APOBEC3C: variants seen among roughly 807,000 people sequenced by gnomAD.
The protein encoded by APOBEC3C is DNA dC->dU-editing enzyme APOBEC-3C.
A neutral mutation model predicts 20.6 loss-of-function variants in APOBEC3C; 14 were observed. That is an observed-to-expected ratio of 0.68 (90% CI 0.45 to 1.06). The LOEUF is 1.06. Among genes scored for constraint, APOBEC3C ranks in the 50% least tolerant of loss-of-function variants. The pLI is 0.00. For missense variants in APOBEC3C, 244 were observed against 241.9 expected (o/e 1.01, Z -0.06); for synonymous variants, 98 against 88.8 (o/e 1.10, Z -0.58).
chr22:39,016,274 A>ACTG (rs907675080), intron 2 of APOBEC3C, among the ~76,000 whole-genome samples: 26 of 149,164 alleles, frequency 1.7e-4, no homozygotes, highest in African/African-American at 6.5e-4. Flanking sequence ...ATCTCAGCTC[A>ACTG]CTGCAAGCTC....
Position 39,018,017 on chromosome 22 carries a change from G to A in APOBEC3C, c.426G>A (p.Gly142=). ...QEGLRSLSQE[G]VAVEIMDYED... ...GGCTCCGCAGCCTGAGTCAGGAAGG[G>A]GTCGCTGTGGAGATCATGGACTATG... The change falls in exon 3 of 4, where the codon GGG becomes GGA. Residue 142 remains glycine, a synonymous_variant. Coordinates refer to ENST00000361441, the MANE Select transcript of APOBEC3C (RefSeq NM_014508.3). 6.2e-7 allele frequency: 1 copy of A among 1,614,186 alleles called. No homozygotes were observed. Among genetic ancestry groups the A allele is most frequent in the African/African-American group, 1.3e-5 (1 of 75,046 alleles).
intron 2 of APOBEC3C, among the ~76,000 whole-genome samples, chr22:39,016,236 A>G (rs1236292288): frequency 2.5e-5 from 2 of 78,652 alleles, no homozygotes; most frequent in African/African-American, 5.6e-5. Flanking sequence ...GTCTTGCTCT[A>G]TCGCCCAGGC....
At chr22:39,015,541 T>G (rs1924747084) in intron 1 of APOBEC3C, 54 bp from the exon 2 acceptor site, 1 of 1,589,150 alleles carries the variant, frequency 6.3e-7, no homozygotes, top group Non-Finnish European at 8.6e-7. Context: ...GCATCAGCCC[T>G]GAGGACTCCG....
At chr22:39,017,637 G>A in intron 2 of APOBEC3C, 129 bp from the exon 3 acceptor site, 1 of 1,235,540 alleles carries the variant, frequency 8.1e-7, no homozygotes. Context: ...GAGAGACCCT[G>A]TCTCAAAAAT....
At chr22:39,017,314 C>G (rs1338193501) in intron 2 of APOBEC3C, among the ~76,000 whole-genome samples, 1 of 151,970 alleles carries the variant, frequency 6.6e-6, no homozygotes, top group Admixed American at 6.6e-5. Context: ...ACCCTGGGGC[C>G]TACTATGTAG....
rs1334399598 is a variant in APOBEC3C, at chr22:39,020,062, C to A, written c.*1675C>A. On this transcript the variant is annotated 3_prime_UTR_variant, in exon 4 of 4. Transcript: ENST00000361441. ...CCGCCTGTCTCAGCCTCTCCAAGTG[C>A]TGGGATTACAGGCATCAGCCACTAT... 1.3e-5 allele frequency: 2 copies of A among 152,184 alleles called. No homozygotes were observed. Among genetic ancestry groups the A allele is most frequent in the Non-Finnish European group, 2.9e-5 (2 of 68,060 alleles). The allele number at this position is 152,184 out of a possible 1,614,324, so 9.4% of individuals were successfully genotyped here.
chr22:39,018,368 T>TA lies in APOBEC3C; in HGVS notation c.555dup (p.Arg186ThrfsTer110), dbSNP rs1397598630. On this transcript the variant is annotated frameshift_variant, in exon 4 of 4. Coordinates refer to ENST00000361441, the MANE Select transcript of APOBEC3C (RefSeq NM_014508.3). LOFTEE classifies it high-confidence loss of function. ...AACTTTCGACTTCTGAAAAGAAGGC[T>TA]ACGGGAGAGTCTCCAGTGAGGGGTC... 3.3e-5 allele frequency: 54 copies of TA among 1,613,910 alleles called. No individual in the cohort carries two copies. Among genetic ancestry groups the TA allele is most frequent in the Non-Finnish European group, 4.4e-5 (52 of 1,179,940 alleles).
Position 39,017,670 on chromosome 22 carries a change from G to C in APOBEC3C, c.175-96G>C. The C allele has an allele frequency of 7.5e-6, 11 of 1,460,768 alleles. No individual in the cohort carries two copies. The South Asian group carries it at 1.4e-4, about 19-fold the overall frequency. The allele number at this position is 1,460,768 out of a possible 1,614,324, so 90.5% of individuals were successfully genotyped here. A position where few individuals can be genotyped will look rare whatever the true frequency, so the allele number is the denominator to read the frequency against. ...AATGAGTAAATAAGGAAACGGCCCG[G>C]GGCTCCAGGCCCGCCCTCTGCTCCC... On this transcript the variant is annotated intron_variant, in intron 2 of 3. Transcript: ENST00000361441.
At chr22:39,015,559 G>T in intron 1 of APOBEC3C, 36 bp from the exon 2 acceptor site, 1 of 1,606,636 alleles carries the variant, frequency 6.2e-7, no homozygotes. Flanking sequence ...CCGGTGCGGG[G>T]GTCTCTGCAT....
rs1232497655 is a variant in APOBEC3C at position 39,018,323 on chromosome 22, C to A, written c.509C>A (p.Pro170His). The change falls in exon 4 of 4, where the codon CCT becomes CAT. Residue 170 changes from proline (P) to histidine (H), a missense_variant. Transcript: ENST00000361441. ...FVYNDNEPFK[P>H]WKGLKTNFRL... ...TACAATGATAATGAGCCATTCAAGC[C>A]TTGGAAGGGATTAAAAACCAACTTT... 6.2e-7 allele frequency: 1 copy of A among 1,613,992 alleles called. No individual in the cohort carries two copies. Among genetic ancestry groups the A allele is most frequent in the Non-Finnish European group, 8.5e-7 (1 of 1,180,016 alleles).
chr22:39,019,840 C>T lies in APOBEC3C; in HGVS notation c.*1453C>T, dbSNP rs1381649042. 2.3e-5 allele frequency: 3 copies of T among 128,136 alleles called. No homozygotes were observed. The highest frequency in any genetic ancestry group is 4.7e-5 in the Non-Finnish European group (3 of 63,876). The allele number at this position is 128,136 out of a possible 1,614,324, so 7.9% of individuals were successfully genotyped here. On this transcript the variant is annotated 3_prime_UTR_variant, in exon 4 of 4. Coordinates refer to ENST00000361441, the MANE Select transcript of APOBEC3C (RefSeq NM_014508.3). ...TTTTTTTTGAGACAGAGTGTTGCTC[C>T]TCTTGTCCAGGCTGGAATGCAATGG...
chr22:39,015,589 C>T lies in APOBEC3C; in HGVS notation c.18-6C>T. 1 of 1,613,494 alleles carries T rather than the reference C, an allele frequency of 6.2e-7. No homozygotes were observed. Among genetic ancestry groups the T allele is most frequent in the Non-Finnish European group, 8.5e-7 (1 of 1,179,618 alleles). On this transcript the variant is annotated splice_polypyrimidine_tract_variant and splice_region_variant and intron_variant, in intron 1 of 3. Transcript: ENST00000361441. ...CTGCATTGGGGTTTCTCTCTTGTGCCTTCAGAAACCCGATGAAGGCAATGT... is the reference window on the plus strand; with the variant it reads ...CTGCATTGGGGTTTCTCTCTTGTGCTTTCAGAAACCCGATGAAGGCAATGT...
chr22:39,015,549 C>A, intron 1 of APOBEC3C, 46 bp from the exon 2 acceptor site: 1 of 1,595,980 alleles, frequency 6.3e-7, no homozygotes, highest in South Asian at 1.1e-5. Flanking sequence ...CCTGAGGACT[C>A]CGGTGCGGGG....
chr22:39,018,479 C>T lies in APOBEC3C; in HGVS notation c.*92C>T. ...CCACCCTGGACCCGCTCTGTTTCTG[C>T]CTGGTCATCCTGAGCCCCTCCTGGC... On this transcript the variant is annotated 3_prime_UTR_variant, in exon 4 of 4. Transcript: ENST00000361441. 6.9e-7 allele frequency: 1 copy of T among 1,447,658 alleles called. No homozygotes were observed. Among genetic ancestry groups the T allele is most frequent in the Admixed American group, 2.1e-5 (1 of 48,176 alleles). The allele number at this position is 1,447,658 out of a possible 1,614,324, so 89.7% of individuals were successfully genotyped here. A position where few individuals can be genotyped will look rare whatever the true frequency, so the allele number is the denominator to read the frequency against.
In APOBEC3C at chr22:39,017,994, C is replaced by A. The variant is rs868731124; in HGVS notation, c.403C>A (p.Leu135Ile). ...YFQYPCYQEG[L>I]RSLSQEGVAV... ...CCAGTATCCATGTTACCAGGAGGGG[C>A]TCCGCAGCCTGAGTCAGGAAGGGGT... The change falls in exon 3 of 4, where the codon CTC becomes ATC. Residue 135 changes from leucine (L) to isoleucine (I), a missense_variant. Leu to Ile is a conservative substitution (Grantham distance 5, BLOSUM62 2). Coordinates refer to ENST00000361441, the MANE Select transcript of APOBEC3C (RefSeq NM_014508.3). 19 of 1,614,086 alleles carry A rather than the reference C, an allele frequency of 1.2e-5. 1 individual carries two copies. Among genetic ancestry groups the A allele is most frequent in the Middle Eastern group, 3.3e-4 (2 of 6,084 alleles).
intron 2 of APOBEC3C, among the ~76,000 whole-genome samples, chr22:39,016,217 T>C (rs1449928855): frequency 1.1e-3 from 36 of 33,316 alleles, no homozygotes; most frequent in Middle Eastern, 0.013. Flanking sequence ...TTATTTATTT[T>C]GAGACGGAGT....
rs1447305832 is a variant in APOBEC3C, at chr22:39,018,539, C to T, written c.*152C>T. ...ATTCCACAGTGCTCCCCTGCCTCAC[C>T]GCTTCCTCCTCGCTCTTCCAGACTC... On this transcript the variant is annotated 3_prime_UTR_variant, in exon 4 of 4. Transcript: ENST00000361441. The T allele has an allele frequency of 2.2e-5, 19 of 859,044 alleles. No individual in the cohort carries two copies. The highest frequency in any genetic ancestry group is 7.8e-5 in the East Asian group (3 of 38,480). The allele number at this position is 859,044 out of a possible 1,614,324, so 53.2% of individuals were successfully genotyped here. A position where few individuals can be genotyped will look rare whatever the true frequency, so the allele number is the denominator to read the frequency against.
chr22:39,017,548 G>A (rs529930218), intron 2 of APOBEC3C, among the ~76,000 whole-genome samples: 1 of 152,208 alleles, frequency 6.6e-6, no homozygotes, highest in East Asian at 1.9e-4. Context: ...GCTGAGGTGG[G>A]AAGATTCCTT....
chr22:39,015,678 G>A lies in APOBEC3C; in HGVS notation c.101G>A (p.Trp34Ter). The A allele has an allele frequency of 6.2e-7, 1 of 1,614,112 alleles. No individual in the cohort carries two copies. The highest frequency in any genetic ancestry group is 8.5e-7 in the Non-Finnish European group (1 of 1,180,032). Reference protein sequence around the residue: ...LWEANDRNETWLCFTVEGIKR... With the variant: ...LWEANDRNET Reference sequence around the variant, plus strand: ...GAAGCCAACGATCGGAACGAAACTTGGCTGTGCTTCACCGTGGAAGGTATA... The same window carrying A: ...GAAGCCAACGATCGGAACGAAACTTAGCTGTGCTTCACCGTGGAAGGTATA... The change falls in exon 2 of 4, where the codon TGG becomes TAG. Residue 34 changes from tryptophan to a stop codon, truncating the protein, a stop_gained. Transcript: ENST00000361441. LOFTEE classifies it high-confidence loss of function.
Sources: gnomAD v4.1 joint callset for allele counts (sites outside exome capture counted in the v4.1 genomes callset) on GRCh38, gnomAD v4.1.1 for gene constraint, MANE v1.5 for transcripts, NCBI Gene and HGNC (gene_info 2026-07-23, HGNC 2026-07-21) for gene names.